The following ATP2C1 variants were observed in gnomAD, a reference collection of about 807,000 sequenced individuals.
The protein encoded by ATP2C1 is ATPase secretory pathway Ca2+ transporting 1.
Under a neutral mutation model 120.5 loss-of-function variants are expected in ATP2C1, and 31 were observed. The ratio of observed to expected loss-of-function variants is 0.26; its 90% CI spans 0.19 to 0.35. The LOEUF (loss-of-function observed/expected upper bound fraction) is 0.35. Among genes scored for constraint, ATP2C1 ranks in the 10% least tolerant of loss-of-function variants. The pLI, the probability that ATP2C1 is intolerant of heterozygous loss-of-function variation, is 1.00. For synonymous variants in ATP2C1, 351 were observed against 358.7 expected, an observed-to-expected ratio of 0.98 and a Z score of 0.24; for missense variants, 731 against 1,107.5, an observed-to-expected ratio of 0.66 and a Z score of 4.83.
chr3:130,875,340 C>T (rs1036584339), intron 1 of ATP2C1, among the ~76,000 whole-genome samples: 18 of 152,152 alleles, frequency 1.2e-4, no homozygotes, highest in Admixed American at 5.9e-4. Context: ...TCTATGAGTT[C>T]AACTTTTGAG....
intron 26 of ATP2C1, among the ~76,000 whole-genome samples, chr3:131,009,527 A>G (rs1324206455): frequency 2.0e-5 from 3 of 152,176 alleles, no homozygotes; most frequent in Non-Finnish European, 4.4e-5. Flanking sequence ...TACTTCTTTC[A>G]TGTATTATCT....
chr3:130,915,544 T>G (rs1209554986), intron 2 of ATP2C1, among the ~76,000 whole-genome samples: 1 of 152,176 alleles, frequency 6.6e-6, no homozygotes, highest in Non-Finnish European at 1.5e-5. Flanking sequence ...CCAGGCATAG[T>G]GAGTGTTGGT....
rs924106315 is a variant in ATP2C1, at chr3:130,969,058, G to T, written c.1309-234G>T. Among the ~76,000 whole-genome samples, 6 of 152,298 alleles carry T rather than the reference G, an allele frequency of 3.9e-5. No homozygotes were observed. The East Asian group carries it at 9.7e-4, about 25-fold the overall frequency. ...ACAGTGTGTATGGGAGGTTTAGTCA[G>T]CGTACAATCCAGAAAACCTGCCTTA... On this transcript the variant is annotated intron_variant, in intron 16 of 27. Coordinates refer to ENST00000510168, the MANE Select transcript of ATP2C1 (RefSeq NM_001378687.1).
chr3:130,923,735 C>T (rs1031324211), intron 2 of ATP2C1, among the ~76,000 whole-genome samples: 7 of 151,678 alleles, frequency 4.6e-5, no homozygotes, highest in Non-Finnish European at 5.9e-5. Flanking sequence ...GGTGTGGTGG[C>T]TCACGCCTGT....
intron 10 of ATP2C1, among the ~76,000 whole-genome samples, chr3:130,955,439 C>T (rs1559970587): frequency 6.6e-6 from 1 of 152,134 alleles, no homozygotes; most frequent in Non-Finnish European, 1.5e-5. Flanking sequence ...TTCAACTTCA[C>T]ATAATTCCAA....
intron 18 of ATP2C1, among the ~76,000 whole-genome samples, chr3:130,975,823 C>CA (rs1482272806): frequency 6.6e-6 from 1 of 152,130 alleles, no homozygotes; most frequent in Admixed American, 6.6e-5. Context: ...GTTTTAAAGA[C>CA]AAAAATACTT....
At chr3:130,942,758 T>G (rs557254479) in intron 8 of ATP2C1, among the ~76,000 whole-genome samples, 1 of 152,352 alleles carries the variant, frequency 6.6e-6, no homozygotes, top group East Asian at 1.9e-4. Flanking sequence ...GTCTTTGAGG[T>G]CTTTTTAATG....
chr3:130,907,415 C>CA (rs1417771592), intron 2 of ATP2C1, among the ~76,000 whole-genome samples: 1 of 152,044 alleles, frequency 6.6e-6, no homozygotes, highest in Non-Finnish European at 1.5e-5. Flanking sequence ...GTTTAACTCT[C>CA]ACGCTTGATC....
rs112703671 is a variant in ATP2C1 at position 130,894,790 on chromosome 3, C to G, written c.6+15C>G. On this transcript the variant is annotated intron_variant, in intron 2 of 27. Coordinates refer to ENST00000510168, the MANE Select transcript of ATP2C1 (RefSeq NM_001378687.1). This position sits in a 1 kb window ranked among gnomAD's most constrained non-coding sequence, Gnocchi z 4.5. ...GGAAAATGAAGGTAAAGGCCCCTGG[C>G]CGACCGGTTGCAACGCGGAGTTGAG... 0.067 allele frequency: 107,663 copies of G among 1,613,022 alleles called. 4,126 individuals are homozygous for G. The highest frequency in any genetic ancestry group is 0.08 in the Non-Finnish European group (93,823 of 1,178,970).
Position 130,967,325 on chromosome 3 carries a change from C to T in ATP2C1, c.1219-5C>T. The T allele has an allele frequency of 6.2e-7, 1 of 1,613,414 alleles. No homozygotes were observed. Among genetic ancestry groups the T allele is most frequent in the East Asian group, 2.2e-5 (1 of 44,822 alleles). ...AGGTTCATAGTTTATGTGTATTTTTCTTAGGCGGGCTGTGTGTGCAATGAT... is the reference window on the plus strand; with the variant it reads ...AGGTTCATAGTTTATGTGTATTTTTTTTAGGCGGGCTGTGTGTGCAATGAT... On this transcript the variant is annotated splice_polypyrimidine_tract_variant and splice_region_variant and intron_variant, in intron 15 of 27. Transcript: ENST00000510168.
At position 130,932,354 on chromosome 3, in the gene ATP2C1, A is replaced by G. The variant is rs2059486113; in HGVS notation, c.234+216A>G. ...TAAAGACAACATTTTCCATATGGGTATATTACACAAAGATAATACTGTTGA... is the reference window on the plus strand; with the variant it reads ...TAAAGACAACATTTTCCATATGGGTGTATTACACAAAGATAATACTGTTGA... On this transcript the variant is annotated intron_variant, in intron 4 of 27. Coordinates refer to ENST00000510168, the MANE Select transcript of ATP2C1 (RefSeq NM_001378687.1). 2.0e-5 allele frequency among the ~76,000 whole-genome samples: 3 copies of G among 152,122 alleles called. No homozygotes were observed. The South Asian group carries it at 6.2e-4, about 32-fold the overall frequency.
chr3:130,923,393 A>G (rs2059055332), intron 2 of ATP2C1, among the ~76,000 whole-genome samples: 1 of 151,680 alleles, frequency 6.6e-6, no homozygotes, highest in African/African-American at 2.4e-5. Flanking sequence ...TGCCTGGCTA[A>G]TTTTTTGTAT....
At position 131,002,561 on chromosome 3, in the gene ATP2C1, A is replaced by T. The variant is rs1167480735; in HGVS notation, c.*1211A>T. On this transcript the variant is annotated 3_prime_UTR_variant, in exon 28 of 28. Transcript: ENST00000510168. ...TTTGTGTGTAATGCCATCAGTTTTT[A>T]TGAAAGCTTGATGAGGTATAGGTCA... 1.0e-6 allele frequency: 1 copy of T among 985,400 alleles called. No homozygotes were observed. The highest frequency in any genetic ancestry group is 1.2e-6 in the Non-Finnish European group (1 of 829,902). The allele number at this position is 985,400 out of a possible 1,614,324, so 61.0% of individuals were successfully genotyped here.
chr3:130,953,780 T>C, intron 8 of ATP2C1, 41 bp from the exon 9 acceptor site: 1 of 1,610,080 alleles, frequency 6.2e-7, no homozygotes, highest in Non-Finnish European at 8.5e-7. Context: ...ATGTTAAATG[T>C]AGCACAAAAT....
chr3:130,934,815 A>G (rs1391417104), intron 5 of ATP2C1, 104 bp downstream of exon 5: 7 of 792,268 alleles, frequency 8.8e-6, no homozygotes, highest in South Asian at 1.5e-5. Context: ...GATTTTTTTC[A>G]GTGTCCAAAT....
intron 6 of ATP2C1, 98 bp downstream of exon 6, chr3:130,937,561 G>A: frequency 1.0e-6 from 1 of 954,114 alleles, no homozygotes; most frequent in Non-Finnish European, 1.7e-6. Context: ...GGGTTGTAAT[G>A]CCCATCAGAA....
chr3:130,883,467 T>G (rs200004780), intron 1 of ATP2C1, among the ~76,000 whole-genome samples: 1,623 of 73,430 alleles, frequency 0.022, 22 homozygotes, highest in East Asian at 0.12. Context: ...TTCTCCTTCT[T>G]TTTTTTTTTT....
At chr3:130,964,480 A>G (rs1014270064) in intron 13 of ATP2C1, among the ~76,000 whole-genome samples, 1 of 152,112 alleles carries the variant, frequency 6.6e-6, no homozygotes, top group Admixed American at 6.6e-5. Flanking sequence ...TACAGTAGTT[A>G]TATTGCTGTA....
At chr3:130,877,823 A>G (rs1347151837) in intron 1 of ATP2C1, among the ~76,000 whole-genome samples, 1 of 152,194 alleles carries the variant, frequency 6.6e-6, no homozygotes, top group African/African-American at 2.4e-5. Context: ...ATGCTGCTGT[A>G]AAGACACATG....
Sources: gnomAD v4.1 joint callset for allele counts (sites outside exome capture counted in the v4.1 genomes callset) on GRCh38, gnomAD v4.1.1 for gene constraint, Gnocchi (gnomAD v3.1) non-coding constraint, MANE v1.5 for transcripts, NCBI Gene and HGNC (gene_info 2026-07-23, HGNC 2026-07-21) for gene names.